The following ZNHIT1 variants were observed in gnomAD, a reference collection of about 807,000 sequenced individuals.
ZNHIT1 encodes the protein zinc finger HIT-type containing 1, also known as zinc finger HIT domain-containing protein 1.
Under a neutral mutation model 21.4 loss-of-function variants are expected in ZNHIT1, and 20 were observed. The observed-to-expected ratio is 0.93, with a 90% CI of 0.66 to 1.36. The LOEUF is 1.36. Ranked by LOEUF, ZNHIT1 falls within the 40% of genes most tolerant of loss-of-function variation. The pLI, the probability that ZNHIT1 is intolerant of heterozygous loss-of-function variation, is 0.00. For synonymous variants in ZNHIT1, 79 were observed against 84.0 expected (o/e 0.94, Z 0.32); for missense variants, 170 against 213.5 (o/e 0.80, Z 1.27).
intron 1 of ZNHIT1, 87 bp from the exon 2 acceptor site, chr7:101,222,517 C>T (rs1798384944): frequency 1.0e-5 from 15 of 1,468,862 alleles, no homozygotes; most frequent in African/African-American, 4.2e-5. Flanking sequence ...GCTTCCACCC[C>T]GGGTGCCTTC....
intron 1 of ZNHIT1, 152 bp from the exon 2 acceptor site, chr7:101,222,452 G>A: frequency 2.3e-6 from 2 of 878,404 alleles, no homozygotes; most frequent in East Asian, 2.7e-5. Flanking sequence ...GCTTGGCCCG[G>A]GAGGAGACAA....
In ZNHIT1 at chr7:101,223,830, A is replaced by G. The variant is rs747720813; in HGVS notation, c.431A>G (p.His144Arg). 3.7e-6 allele frequency: 6 copies of G among 1,614,064 alleles called. No homozygotes were observed. Among genetic ancestry groups the G allele is most frequent in the South Asian group, 2.2e-5 (2 of 91,084 alleles). Reference sequence around the variant, plus strand: ...TGCACTGTGCGCTGTCTGGGGACCCACCAGGAGACCAGGTGAGCATGAGAC... The same window carrying G: ...TGCACTGTGCGCTGTCTGGGGACCCGCCAGGAGACCAGGTGAGCATGAGAC... ...RYCTVRCLGT[H>R]QETRCLKWTV The change falls in exon 4 of 5, where the codon CAC becomes CGC. Residue 144 changes from histidine (H) to arginine (R), a missense_variant. Physicochemically the swap from His to Arg is conservative, Grantham distance 29 (BLOSUM62 0). Coordinates refer to ENST00000305105, the MANE Select transcript of ZNHIT1 (RefSeq NM_006349.3).
chr7:101,221,730 T>G (rs555603881), intron 1 of ZNHIT1: 1 of 152,752 alleles, frequency 6.5e-6, no homozygotes, highest in South Asian at 2.1e-4. Flanking sequence ...GGAGGATTCC[T>G]GGACATGGAG....
At chr7:101,223,286 A>T (rs540450992) in intron 2 of ZNHIT1, among the ~76,000 whole-genome samples, 191 bp from the exon 3 acceptor site, 10 of 152,212 alleles carry the variant, frequency 6.6e-5, no homozygotes, top group Admixed American at 2.6e-4. Flanking sequence ...CCAAGGCAAG[A>T]AAATCACTTG....
At chr7:101,221,436 C>T (rs940644820) in intron 1 of ZNHIT1, 1 of 152,068 alleles carries the variant, frequency 6.6e-6, no homozygotes, top group African/African-American at 2.4e-5. Context: ...GCTGCCCAGG[C>T]TGGTTTCTAA....
intron 1 of ZNHIT1, chr7:101,221,774 G>A (rs1798374124): frequency 6.6e-6 from 1 of 152,368 alleles, no homozygotes; most frequent in Admixed American, 6.6e-5. Context: ...AGCAAGCAAA[G>A]GGTCTCTTTC....
chr7:101,222,547 C>G, intron 1 of ZNHIT1, 57 bp from the exon 2 acceptor site: 1 of 1,560,418 alleles, frequency 6.4e-7, no homozygotes, highest in Non-Finnish European at 8.7e-7. Context: ...CCCAGAGCGG[C>G]GGCCACACTG....
chr7:101,222,518 G>T, intron 1 of ZNHIT1, 86 bp from the exon 2 acceptor site: 1 of 1,469,914 alleles, frequency 6.8e-7, no homozygotes, highest in Admixed American at 2.1e-5. Context: ...CTTCCACCCC[G>T]GGTGCCTTCC....
At chr7:101,218,255 C>T in intron 1 of ZNHIT1, 38 bp downstream of exon 1, 1 of 1,599,110 alleles carries the variant, frequency 6.3e-7, no homozygotes, top group Non-Finnish European at 8.5e-7. Context: ...TTCCCCTTCC[C>T]AAGTCAGTCC....
intron 1 of ZNHIT1, 44 bp from the exon 2 acceptor site, chr7:101,222,560 C>T (rs763082821): frequency 3.8e-6 from 6 of 1,580,008 alleles, no homozygotes; most frequent in South Asian, 3.4e-5. Flanking sequence ...CCACACTGCT[C>T]TTTCTTGGAA....
chr7:101,219,308 T>A (rs1798333832), intron 1 of ZNHIT1: 1 of 152,246 alleles, frequency 6.6e-6, no homozygotes, highest in Non-Finnish European at 1.5e-5. Context: ...GGTGTCTCAC[T>A]ATGTTGCCCA....
chr7:101,222,531 G>A (rs147331989), intron 1 of ZNHIT1, 73 bp from the exon 2 acceptor site: 160 of 1,532,988 alleles, frequency 1.0e-4, no homozygotes, highest in Admixed American at 2.4e-4. Context: ...TGCCTTCCTC[G>A]CCCTGCCCAG....
At chr7:101,223,373 T>C in intron 2 of ZNHIT1, 104 bp from the exon 3 acceptor site, 2 of 1,285,484 alleles carry the variant, frequency 1.6e-6, no homozygotes, top group Non-Finnish European at 2.2e-6. Flanking sequence ...TGAGACTGTC[T>C]CAAAAAGAAC....
chr7:101,223,732 G>A lies in ZNHIT1; in HGVS notation c.333G>A (p.Arg111=), dbSNP rs756989024. 6.2e-7 allele frequency: 1 copy of A among 1,613,636 alleles called. No homozygotes were observed. Among genetic ancestry groups the A allele is most frequent in the East Asian group, 2.2e-5 (1 of 44,854 alleles). The part of the protein sequence containing the change: ...YLTACAGPPS[R]PQRPFCAVCG... ...CGGCCTGTGCGGGACCCCCATCGCG[G>A]CCCCAGCGCCCCTTCTGTGCTGTCT... Residue 111 remains arginine, a synonymous_variant, in exon 4 of 5, where the codon CGG becomes CGA. Coordinates refer to ENST00000305105, the MANE Select transcript of ZNHIT1 (RefSeq NM_006349.3).
Position 101,223,703 on chromosome 7 carries a change from C to G in ZNHIT1, c.304C>G (p.Leu102Val). 3 of 1,611,674 alleles carry G rather than the reference C, an allele frequency of 1.9e-6. No individual in the cohort carries two copies. The highest frequency in any genetic ancestry group is 2.5e-6 in the Non-Finnish European group (3 of 1,178,730). ...NLSVAEGPNY[L>V]TACAGPPSRP... is the part of the protein sequence containing the mutation. ...GAGTGTGGCCGAGGGCCCTAACTAC[C>G]TGACGGCCTGTGCGGGACCCCCATC... The change falls in exon 4 of 5, where the codon CTG becomes GTG. Residue 102 changes from leucine (L) to valine (V), a missense_variant. By Grantham distance (32) the Leu-to-Val change is conservative (BLOSUM62 1). Coordinates refer to ENST00000305105, the MANE Select transcript of ZNHIT1 (RefSeq NM_006349.3).
At chr7:101,219,908 C>T (rs879257852) in intron 1 of ZNHIT1, 2 of 152,210 alleles carry the variant, frequency 1.3e-5, no homozygotes, top group Non-Finnish European at 2.9e-5. Flanking sequence ...GTGTTTCTGT[C>T]CTGGGCTCTG....
intron 2 of ZNHIT1, among the ~76,000 whole-genome samples, chr7:101,223,200 C>T (rs186063870): frequency 4.0e-4 from 61 of 152,234 alleles, no homozygotes; most frequent in African/African-American, 1.4e-3. Flanking sequence ...GGTGAAACCC[C>T]ATCTCTACTA....
chr7:101,223,663 G>C lies in ZNHIT1; in HGVS notation c.274-10G>C, dbSNP rs751639753. 1.3e-5 allele frequency: 21 copies of C among 1,611,090 alleles called. No homozygotes were observed. The highest frequency in any genetic ancestry group is 1.7e-4 in the Middle Eastern group (1 of 6,058). ...GGAGGAGTTCTAGAGCCGGCCCCTTGTCTCTGCAGAACTTGAGTGTGGCCG... is the reference window on the plus strand; with the variant it reads ...GGAGGAGTTCTAGAGCCGGCCCCTTCTCTCTGCAGAACTTGAGTGTGGCCG... On this transcript the variant is annotated splice_polypyrimidine_tract_variant and intron_variant, in intron 3 of 4. Transcript: ENST00000305105.
Position 101,223,934 on chromosome 7 carries a change from C to G in ZNHIT1, c.444-3C>G. The G allele has an allele frequency of 6.2e-7, 1 of 1,614,158 alleles. No individual in the cohort carries two copies. The highest frequency in any genetic ancestry group is 8.5e-7 in the Non-Finnish European group (1 of 1,180,020). Reference sequence around the variant, plus strand: ...CTCATCCTGGCTTCCCCTCTGTCTGCAGGTGTCTGAAGTGGACTGTGTGAG... The same window carrying G: ...CTCATCCTGGCTTCCCCTCTGTCTGGAGGTGTCTGAAGTGGACTGTGTGAG... On this transcript the variant is annotated splice_region_variant and splice_polypyrimidine_tract_variant and intron_variant, in intron 4 of 4. Transcript: ENST00000305105.
Sources: allele counts gnomAD v4.1 joint callset (sites outside exome capture counted in the v4.1 genomes callset), GRCh38; gene constraint gnomAD v4.1.1; transcripts MANE v1.5; gene names NCBI Gene and HGNC (gene_info 2026-07-23, HGNC 2026-07-21).